The following TENM2 variants were observed in gnomAD, a reference collection of about 807,000 sequenced individuals.
The protein encoded by TENM2 is teneurin transmembrane protein 2, also known as teneurin-2.
Under a neutral mutation model 245.2 loss-of-function variants are expected in TENM2, and 52 were observed. That is an observed-to-expected ratio of 0.21 (90% confidence interval 0.17 to 0.27). The LOEUF (loss-of-function observed/expected upper bound fraction) is 0.27. Among genes scored for constraint, TENM2 ranks in the 10% least tolerant of loss-of-function variants. TENM2 has a pLI of 1.00. For missense variants in TENM2, 3,046 were observed against 3,666.8 expected, an observed-to-expected ratio of 0.83 and a Z score of 4.37; for synonymous variants, 1,363 against 1,438.9, an observed-to-expected ratio of 0.95 and a Z score of 1.19.
At chr5:168,127,258 G>T (rs141868813) in intron 12 of TENM2, among the ~76,000 whole-genome samples, 1 of 152,194 alleles carries the variant, frequency 6.6e-6, no homozygotes, top group Non-Finnish European at 1.5e-5. Flanking sequence ...GTGTCTGGGG[G>T]TTGCAAGCAC....
the TENM2 span, among the ~76,000 whole-genome samples, chr5:167,192,184 A>C: frequency 6.6e-6 from 1 of 152,058 alleles, no homozygotes; most frequent in African/African-American, 2.4e-5. Flanking sequence ...TTTTCTGCTG[A>C]GTCTGGGTAG....
At chr5:167,264,113 A>G in the TENM2 span, among the ~76,000 whole-genome samples, 1 of 152,086 alleles carries the variant, frequency 6.6e-6, no homozygotes, top group Admixed American at 6.6e-5. Flanking sequence ...CTCAAAAAAA[A>G]AAAAAAAAAA....
intron 4 of TENM2, among the ~76,000 whole-genome samples, chr5:167,966,028 T>A (rs1488030266): frequency 6.6e-6 from 1 of 152,134 alleles, no homozygotes; most frequent in Non-Finnish European, 1.5e-5. Flanking sequence ...ATCTATGGGA[T>A]GAACTCCAGC....
At chr5:167,970,019 C>T (rs1267064962) in intron 4 of TENM2, among the ~76,000 whole-genome samples, 1 of 152,204 alleles carries the variant, frequency 6.6e-6, no homozygotes, top group Non-Finnish European at 1.5e-5. Context: ...CCAACTCAGG[C>T]CACATTCAAT....
At chr5:167,573,609 A>T (rs1774433840) in intron 2 of TENM2, among the ~76,000 whole-genome samples, 1 of 149,474 alleles carries the variant, frequency 6.7e-6, no homozygotes. Context: ...CCTGCCTTTG[A>T]TGCACATACG....
chr5:167,162,004 A>G, the TENM2 span, among the ~76,000 whole-genome samples: 1 of 151,932 alleles, frequency 6.6e-6, no homozygotes, highest in South Asian at 2.1e-4. Flanking sequence ...TGTCTCTACT[A>G]AAAATACAAA....
chr5:167,259,702 A>G, the TENM2 span, among the ~76,000 whole-genome samples: 1 of 152,042 alleles, frequency 6.6e-6, no homozygotes, highest in East Asian at 1.9e-4. Flanking sequence ...TTCATTACCA[A>G]CTTGAATTCA....
At chr5:167,475,508 GGGAT>G (rs1268191729) in intron 2 of TENM2, among the ~76,000 whole-genome samples, 8 of 151,720 alleles carry the variant, frequency 5.3e-5, no homozygotes, top group Non-Finnish European at 1.0e-4. Flanking sequence ...TTTAAGTTCT[GGGAT>G]ACATGTGCTG....
At chr5:167,446,788 A>AACAC (rs1554155068) in intron 2 of TENM2, among the ~76,000 whole-genome samples, 3 of 92,252 alleles carry the variant, frequency 3.3e-5, no homozygotes, top group African/African-American at 1.3e-4. Flanking sequence ...CAGTTTTTGA[A>AACAC]ACACGCACAC....
Position 167,993,149 on chromosome 5 carries a change from C to T in TENM2, c.1153C>T (p.Leu385Phe), listed in dbSNP as rs750504003. The change falls in exon 5 of 29, where the codon CTC (leucine) becomes TTC (phenylalanine). Residue 385 changes from leucine to phenylalanine, a missense_variant. Coordinates refer to ENST00000518659, the Ensembl canonical transcript of TENM2. ...TGCCCTCTCCGCCATTGCCGCGGCC[C>T]TCCTCTTGGCTATTTTGCTGGCGTA... The T allele has an allele frequency of 5.6e-6, 9 of 1,613,896 alleles. No homozygotes were observed. In the African/African-American group the frequency reaches 1.1e-4, roughly 19 times the overall value.
chr5:167,192,975 C>T, the TENM2 span, among the ~76,000 whole-genome samples: 1 of 151,942 alleles, frequency 6.6e-6, no homozygotes, highest in African/African-American at 2.4e-5. Flanking sequence ...GGATCTGTTT[C>T]CCCTTTCAGG....
chr5:167,840,184 G>A (rs977599897), intron 2 of TENM2, among the ~76,000 whole-genome samples: 1 of 152,156 alleles, frequency 6.6e-6, no homozygotes, highest in Non-Finnish European at 1.5e-5. Context: ...GCTAAAAGTG[G>A]CAGCAAGTAA....
chr5:167,418,819 A>G (rs1763315024), intron 2 of TENM2, among the ~76,000 whole-genome samples: 1 of 152,118 alleles, frequency 6.6e-6, no homozygotes, highest in Admixed American at 6.6e-5. Context: ...AACATTGGTA[A>G]AAGCAATTAG....
intron 2 of TENM2, among the ~76,000 whole-genome samples, chr5:167,809,261 T>C (rs1345376691): frequency 6.6e-6 from 1 of 152,200 alleles, no homozygotes; most frequent in Non-Finnish European, 1.5e-5. Flanking sequence ...TCATTAAATG[T>C]CATACACTGA....
chr5:167,898,972 T>C (rs929536479), intron 3 of TENM2, among the ~76,000 whole-genome samples: 8 of 151,896 alleles, frequency 5.3e-5, no homozygotes, highest in African/African-American at 1.7e-4. Flanking sequence ...GCTGAAACTT[T>C]GGGTCTGGAT....
At chr5:167,368,344 G>T (rs1383640326) in intron 1 of TENM2, among the ~76,000 whole-genome samples, 2 of 151,960 alleles carry the variant, frequency 1.3e-5, no homozygotes, top group Non-Finnish European at 2.9e-5. Context: ...ATATAGTCAT[G>T]TTACAGCAAA....
chr5:167,595,542 A>T (rs540315779), intron 2 of TENM2, among the ~76,000 whole-genome samples: 1 of 152,254 alleles, frequency 6.6e-6, no homozygotes, highest in Non-Finnish European at 1.5e-5. Flanking sequence ...TTACTTTCTC[A>T]AAAAATACTA....
intron 2 of TENM2, among the ~76,000 whole-genome samples, chr5:167,624,482 C>A (rs1412763953): frequency 1.3e-5 from 2 of 152,116 alleles, no homozygotes; most frequent in Non-Finnish European, 1.5e-5. Context: ...CATGGGTGAC[C>A]CATTCCATTA....
the TENM2 span, among the ~76,000 whole-genome samples, chr5:167,207,600 T>C: frequency 1.3e-5 from 2 of 152,150 alleles, no homozygotes; most frequent in African/African-American, 4.8e-5. Flanking sequence ...GGGCTAGCAA[T>C]TGTTTAGAGT....
Sources: gnomAD v4.1 joint callset for allele counts (sites outside exome capture counted in the v4.1 genomes callset) on GRCh38, gnomAD v4.1.1 for gene constraint, MANE v1.5 for transcripts, NCBI Gene and HGNC (gene_info 2026-07-23, HGNC 2026-07-21) for gene names.